The following LNX1 variants were observed in gnomAD, a reference collection of about 807,000 sequenced individuals.
LNX1 encodes E3 ubiquitin-protein ligase LNX.
In LNX1, 54 loss-of-function variants were observed where a neutral mutation model predicts 68.4. That is an observed-to-expected ratio of 0.79 (90% CI 0.63 to 0.99). LNX1 has a LOEUF of 0.99. Among genes scored for constraint, LNX1 ranks in the 50% least tolerant of loss-of-function variants. The pLI is 0.00. For missense variants in LNX1, 906 were observed against 926.4 expected (o/e 0.98, Z 0.29); for synonymous variants, 336 against 350.0 (o/e 0.96, Z 0.45).
upstream of LNX1, chr4:53,617,632 T>G (rs1026525741): frequency 3.3e-5 from 5 of 152,208 alleles, no homozygotes; most frequent in Admixed American, 2.6e-4. Flanking sequence ...AAGAAAAATG[T>G]GTAGAAACAT....
intron 1 of LNX1, among the ~76,000 whole-genome samples, chr4:53,582,350 C>T (rs1298923870): frequency 9.9e-5 from 15 of 152,140 alleles, no homozygotes; most frequent in Admixed American, 5.9e-4. Flanking sequence ...AGGAATGACT[C>T]GCTTCAAAGA....
chr4:53,528,369 A>G (rs1727776974), intron 2 of LNX1, among the ~76,000 whole-genome samples: 1 of 152,214 alleles, frequency 6.6e-6, no homozygotes, highest in Admixed American at 6.5e-5. Flanking sequence ...ATGCTATGTC[A>G]CAATGCTATG....
At chr4:53,535,494 T>C (rs1379094402) in intron 2 of LNX1, among the ~76,000 whole-genome samples, 2 of 152,088 alleles carry the variant, frequency 1.3e-5, no homozygotes, top group African/African-American at 2.4e-5. Flanking sequence ...TGGCTCATTA[T>C]GTTGTAATGA....
chr4:53,597,821 C>T (rs1732819179), intron 2 of LNX1, among the ~76,000 whole-genome samples: 1 of 152,182 alleles, frequency 6.6e-6, no homozygotes, highest in South Asian at 2.1e-4. Flanking sequence ...CTATCCTGAA[C>T]CTAGGTGAGG....
chr4:53,641,741 GCA>G (rs1331642098), intron 1 of LNX1, among the ~76,000 whole-genome samples: 4 of 152,144 alleles, frequency 2.6e-5, no homozygotes, highest in African/African-American at 9.7e-5. Flanking sequence ...TAGACTGCTT[GCA>G]CATTCCAGAA....
At chr4:53,538,848 A>C (rs1728557205) in intron 2 of LNX1, among the ~76,000 whole-genome samples, 1 of 152,212 alleles carries the variant, frequency 6.6e-6, no homozygotes, top group Non-Finnish European at 1.5e-5. Context: ...GGGAGAAAAA[A>C]AATAAAAGGT....
intron 2 of LNX1, among the ~76,000 whole-genome samples, chr4:53,568,078 C>A (rs956797745): frequency 3.3e-5 from 5 of 152,126 alleles, no homozygotes; most frequent in African/African-American, 1.2e-4. Context: ...CAAGGAGGAA[C>A]TGGTACCATT....
At chr4:53,602,228 G>A (rs1184845142) in intron 2 of LNX1, among the ~76,000 whole-genome samples, 1 of 152,110 alleles carries the variant, frequency 6.6e-6, no homozygotes, top group Non-Finnish European at 1.5e-5. Flanking sequence ...TCTATTCTAG[G>A]TCCTGCAAGC....
Position 53,484,925 on chromosome 4 carries a change from G to T in LNX1, c.1351-3071C>A, listed in dbSNP as rs140380940. Among the ~76,000 whole-genome samples, 36 of 152,304 alleles carry T rather than the reference G, an allele frequency of 2.4e-4. 1 individual carries two copies. Among genetic ancestry groups the T allele is most frequent in the African/African-American group, 7.9e-4 (33 of 41,576 alleles). On this transcript the variant is annotated intron_variant, in intron 6 of 10. Coordinates refer to ENST00000263925, the MANE Select transcript of LNX1 (RefSeq NM_001126328.3). ...CTGGCCATCACTTCTGATCTCCCCAGACAAGGCTAATGTGCCCTTCCTTTG... is the reference window on the plus strand; with the variant it reads ...CTGGCCATCACTTCTGATCTCCCCATACAAGGCTAATGTGCCCTTCCTTTG...
In LNX1 at chr4:53,640,481, C is replaced by T. The variant is rs540153201; in HGVS notation, c.-215+11687G>A. On this transcript the variant is annotated intron_variant, in intron 1 of 2. Transcript: ENST00000507168. ...AGAAAGTGAGTCTATGGCCTTAGTG[C>T]TTCTCTGCTTAGGATAGAGCACTGG... Among the ~76,000 whole-genome samples the T allele has an allele frequency of 1.2e-3, 185 of 152,272 alleles. 1 individual carries two copies. Among genetic ancestry groups the T allele is most frequent in the African/African-American group, 4.0e-3 (165 of 41,546 alleles).
intron 9 of LNX1, 96 bp downstream of exon 9, chr4:53,476,657 T>TA (rs2109404300): frequency 2.0e-6 from 2 of 1,006,178 alleles, no homozygotes; most frequent in Admixed American, 1.8e-5. Context: ...ATTAAGATGC[T>TA]AGTGCCATGA....
At chr4:53,526,764 C>A (rs1727638019) in intron 2 of LNX1, among the ~76,000 whole-genome samples, 1 of 151,900 alleles carries the variant, frequency 6.6e-6, no homozygotes, top group Non-Finnish European at 1.5e-5. Context: ...TTCTCTTGAA[C>A]TTTTGTAACC....
intron 1 of LNX1, among the ~76,000 whole-genome samples, chr4:53,648,882 A>G (rs1318842260): frequency 1.3e-5 from 2 of 152,204 alleles, no homozygotes; most frequent in Non-Finnish European, 2.9e-5. Flanking sequence ...CAGGACAATC[A>G]TGACAATCAC....
At chr4:53,472,486 A>AT (rs1723268191) in intron 9 of LNX1, among the ~76,000 whole-genome samples, 1 of 152,128 alleles carries the variant, frequency 6.6e-6, no homozygotes, top group Non-Finnish European at 1.5e-5. Flanking sequence ...TTAAAGTATA[A>AT]TAAAAAAAAG....
intron 2 of LNX1, among the ~76,000 whole-genome samples, chr4:53,523,979 T>G (rs1002101623): frequency 6.6e-6 from 1 of 152,228 alleles, no homozygotes; most frequent in Non-Finnish European, 1.5e-5. Context: ...TTAATTATAG[T>G]CTGGCTGGTC....
chr4:53,484,580 AT>A lies in LNX1; in HGVS notation c.1351-2727del, dbSNP rs761686192. ...TCCATCTCAAAAAAAGAAAAAAAAA[AT>A]CTTTAGTAAAAACCATCCACCAATG... On this transcript the variant is annotated intron_variant, in intron 6 of 10. Coordinates refer to ENST00000263925, the MANE Select transcript of LNX1 (RefSeq NM_001126328.3). 1.5e-3 allele frequency among the ~76,000 whole-genome samples: 231 copies of A among 152,124 alleles called. 1 individual carries two copies. The highest frequency in any genetic ancestry group is 6.8e-3 in the Middle Eastern group (2 of 294).
chr4:53,505,493 A>G (rs1156585926), intron 4 of LNX1, among the ~76,000 whole-genome samples: 1 of 152,060 alleles, frequency 6.6e-6, no homozygotes. Context: ...CTCAGGTGAT[A>G]TGGCTGCCTC....
intron 2 of LNX1, among the ~76,000 whole-genome samples, chr4:53,564,547 A>G (rs1730511403): frequency 1.3e-5 from 2 of 152,184 alleles, no homozygotes; most frequent in South Asian, 2.1e-4. Flanking sequence ...TTCCCCAGAG[A>G]TGTCCAGCTC....
chr4:53,558,131 C>T, intron 2 of LNX1: 1 of 1,424,800 alleles, frequency 7.0e-7, no homozygotes, highest in South Asian at 1.5e-5. Flanking sequence ...AATCACGGGC[C>T]CGTAAGAAGA....
Sources: allele counts gnomAD v4.1 joint callset (sites outside exome capture counted in the v4.1 genomes callset), GRCh38; gene constraint gnomAD v4.1.1; transcripts MANE v1.5; gene names NCBI Gene and HGNC (gene_info 2026-07-23, HGNC 2026-07-21).